The following EHHADH variants were observed in gnomAD, a reference collection of about 807,000 sequenced individuals.
The protein encoded by EHHADH is peroxisomal bifunctional enzyme.
A neutral mutation model predicts 64.4 loss-of-function variants in EHHADH; 48 were observed. The ratio of observed to expected loss-of-function variants is 0.75; its 90% CI spans 0.59 to 0.95. The LOEUF is 0.95. Among genes scored for constraint, EHHADH ranks in the 40% least tolerant of loss-of-function variants. The pLI is 0.00. For synonymous variants in EHHADH, 308 were observed against 326.7 expected (o/e 0.94, Z 0.62); for missense variants, 854 against 876.6 (o/e 0.97, Z 0.33).
At chr3:185,240,690 A>C (rs115766426) in intron 2 of EHHADH, among the ~76,000 whole-genome samples, 3 of 151,768 alleles carry the variant, frequency 2.0e-5, no homozygotes, top group South Asian at 2.1e-4. Context: ...GCAGTATATA[A>C]ATTTTTCTCT....
At chr3:185,233,896 G>A (rs979082382) in intron 3 of EHHADH, among the ~76,000 whole-genome samples, 12 of 151,916 alleles carry the variant, frequency 7.9e-5, no homozygotes, top group African/African-American at 1.2e-4. Context: ...TGCCTGCCTC[G>A]GCCTCCCAAA....
At chr3:185,228,635 G>T (rs1445704520) in intron 4 of EHHADH, among the ~76,000 whole-genome samples, 1 of 151,058 alleles carries the variant, frequency 6.6e-6, no homozygotes, top group East Asian at 2.0e-4. Context: ...CCGAGATCAT[G>T]CCACTGCACT....
At chr3:185,203,067 C>A (rs1444643517) in intron 6 of EHHADH, among the ~76,000 whole-genome samples, 1 of 115,818 alleles carries the variant, frequency 8.6e-6, no homozygotes, top group East Asian at 2.2e-4. Flanking sequence ...ACTTACAAAT[C>A]GTAAAGATGG....
intron 1 of EHHADH, among the ~76,000 whole-genome samples, chr3:185,252,191 GGA>G (rs1382495987): frequency 1.3e-5 from 2 of 152,166 alleles, no homozygotes; most frequent in Non-Finnish European, 2.9e-5. Flanking sequence ...CACGAGGTCA[GGA>G]GATTGAGACC....
chr3:185,204,608 C>G lies in EHHADH; in HGVS notation c.718G>C (p.Ala240Pro), dbSNP rs144566313. 14 of 1,614,242 alleles carry G rather than the reference C, an allele frequency of 8.7e-6. No homozygotes were observed. In the African/African-American group the frequency reaches 1.7e-4, roughly 20 times the overall value. ...QEACVRAVQAAVQYPYEVGIK... is the reference protein window; with the variant it reads ...QEACVRAVQAPVQYPYEVGIK... ...CCCACTTCATAGGGATACTGCACAG[C>G]AGCCTGGACTGCACGGACACAAGCC... The change falls in exon 6 of 7, where the codon GCT (alanine) becomes CCT (proline). Residue 240 changes from alanine (A) to proline (P), a missense_variant. Physicochemically the swap from Ala to Pro is conservative, Grantham distance 27. Transcript: ENST00000231887.
intron 6 of EHHADH, among the ~76,000 whole-genome samples, chr3:185,194,382 G>A (rs1370072686): frequency 2.6e-5 from 4 of 152,110 alleles, no homozygotes; most frequent in Non-Finnish European, 5.9e-5. Context: ...GGAGGCCGAG[G>A]TGGGCAGATC....
At position 185,202,814 on chromosome 3, in the gene EHHADH, T is replaced by A. The variant is rs1194104767; in HGVS notation, c.910+1602A>T. On this transcript the variant is annotated intron_variant, in intron 6 of 6. Coordinates refer to ENST00000231887, the MANE Select transcript of EHHADH (RefSeq NM_001966.4). ...GAAAAATTGTATTCCGTGAAACTGG[T>A]CCCTGGTGCCAAAAGGTTGGAGACC... Among the ~76,000 whole-genome samples, 10 of 152,294 alleles carry A rather than the reference T, an allele frequency of 6.6e-5. No individual in the cohort carries two copies. The East Asian group carries it at 1.9e-3, about 29-fold the overall frequency.
intron 3 of EHHADH, among the ~76,000 whole-genome samples, chr3:185,230,090 A>T (rs893332374): frequency 6.6e-6 from 1 of 152,224 alleles, no homozygotes; most frequent in Non-Finnish European, 1.5e-5. Context: ...ATCATTAGCC[A>T]TCAGAGGAAT....
chr3:185,192,844 AG>A lies in EHHADH; in HGVS notation c.1553del (p.Pro518LeufsTer51). 1 of 1,614,140 alleles carries A rather than the reference AG, an allele frequency of 6.2e-7. No homozygotes were observed. The highest frequency in any genetic ancestry group is 8.5e-7 in the Non-Finnish European group (1 of 1,180,030). On this transcript the variant is annotated frameshift_variant, in exon 7 of 7. Transcript: ENST00000231887. LOFTEE classifies it high-confidence loss of function. ...ACCCAGCAAGATCAGACACTCTAAAAGGTCCCATTTTAAAACCAAACTCTTC... is the reference window on the plus strand; with the variant it reads ...ACCCAGCAAGATCAGACACTCTAAAAGTCCCATTTTAAAACCAAACTCTTC... ...VLEEFGFKMG[P>X]FRVSDLAGLD...
chr3:185,211,718 G>A (rs1054805877), intron 5 of EHHADH, among the ~76,000 whole-genome samples: 5 of 152,194 alleles, frequency 3.3e-5, no homozygotes, highest in African/African-American at 1.2e-4. Context: ...AGACATGTGC[G>A]TAGGCCTCCT....
chr3:185,238,594 A>T (rs981823907), intron 2 of EHHADH, among the ~76,000 whole-genome samples: 8 of 152,108 alleles, frequency 5.3e-5, no homozygotes, highest in African/African-American at 7.2e-5. Context: ...TTCAAAAAAA[A>T]TTTTTAAGTA....
At chr3:185,232,047 C>T (rs1396224796) in intron 3 of EHHADH, among the ~76,000 whole-genome samples, 1 of 151,870 alleles carries the variant, frequency 6.6e-6, no homozygotes, top group Non-Finnish European at 1.5e-5. Context: ...TATTGCCTTT[C>T]TTGGCCCATT....
In EHHADH at chr3:185,254,039, A is replaced by G; in HGVS notation, c.-17T>C. ...CTCGGCCATGTTTCCTCTATCACCG[A>G]GGGCACCTCTGCCTCTCGCCGTCAG... On this transcript the variant is annotated 5_prime_UTR_variant, in exon 1 of 7. Transcript: ENST00000231887. 6.2e-7 allele frequency: 1 copy of G among 1,612,022 alleles called. No individual in the cohort carries two copies.
rs557140789 is a variant in EHHADH at position 185,249,289 on chromosome 3, C to T, written c.75-772G>A. Among the ~76,000 whole-genome samples the T allele has an allele frequency of 6.0e-4, 91 of 152,184 alleles. 2 individuals are homozygous for T. The South Asian group carries it at 0.017, about 29-fold the overall frequency. ...GACTACAGGCGCCCGCCACCACGTCCGGCTAATTTTTTGTATTTTTAGTAG... is the reference window on the plus strand; with the variant it reads ...GACTACAGGCGCCCGCCACCACGTCTGGCTAATTTTTTGTATTTTTAGTAG... On this transcript the variant is annotated intron_variant, in intron 1 of 6. Coordinates refer to ENST00000231887, the MANE Select transcript of EHHADH (RefSeq NM_001966.4).
intron 5 of EHHADH, among the ~76,000 whole-genome samples, chr3:185,205,842 A>G (rs1481410095): frequency 6.6e-6 from 1 of 152,140 alleles, no homozygotes; most frequent in Non-Finnish European, 1.5e-5. Flanking sequence ...AGAACTGAGA[A>G]CAAAAATACT....
intron 1 of EHHADH, among the ~76,000 whole-genome samples, chr3:185,251,033 C>G (rs1719730172): frequency 6.6e-6 from 1 of 152,136 alleles, no homozygotes; most frequent in Admixed American, 6.5e-5. Context: ...CAGATACGCA[C>G]TTTACTAGAT....
intron 2 of EHHADH, among the ~76,000 whole-genome samples, chr3:185,240,096 A>G (rs2108649090): frequency 6.6e-6 from 1 of 152,082 alleles, no homozygotes; most frequent in South Asian, 2.1e-4. Context: ...GCATCCTAGA[A>G]ACCCTGCAAT....
chr3:185,213,890 A>G (rs915923458), intron 5 of EHHADH, among the ~76,000 whole-genome samples: 1 of 149,360 alleles, frequency 6.7e-6, no homozygotes, highest in African/African-American at 2.6e-5. Context: ...CAAAAAAAAA[A>G]AAAAGAAAAA....
At position 185,248,417 on chromosome 3, in the gene EHHADH, C is replaced by A. The variant is rs1478439729; in HGVS notation, c.175G>T (p.Ala59Ser). Residue 59 changes from alanine (A) to serine (S), a missense_variant, in exon 2 of 7, where the codon GCA (alanine) becomes TCA (serine). Ala to Ser is a moderately conservative substitution (Grantham distance 99, BLOSUM62 1). Transcript: ENST00000231887. ...GAGAGGGTTAGACTTGAGTTACCTG[C>A]AGAAAATTTGCCCTCTGCTCCACAA... ...VICGAEGKFS[A>S]GADIRGFSAP... The A allele has an allele frequency of 6.2e-7, 1 of 1,611,634 alleles. No individual in the cohort carries two copies. Among genetic ancestry groups the A allele is most frequent in the East Asian group, 2.2e-5 (1 of 44,848 alleles).
Sources: allele counts gnomAD v4.1 joint callset (sites outside exome capture counted in the v4.1 genomes callset), GRCh38; gene constraint gnomAD v4.1.1; transcripts MANE v1.5; gene names NCBI Gene and HGNC (gene_info 2026-07-23, HGNC 2026-07-21).